Variants in LRRFIP1 observed in about 807,000 individuals in gnomAD.
LRRFIP1 encodes leucine-rich repeat flightless-interacting protein 1.
A neutral mutation model predicts 104.4 loss-of-function variants in LRRFIP1; 62 were observed. The ratio of observed to expected loss-of-function variants is 0.59; its 90% CI spans 0.48 to 0.73. The LOEUF (loss-of-function observed/expected upper bound fraction) is 0.73, where lower values mean the gene tolerates loss of function less well. Among genes scored for constraint, LRRFIP1 ranks in the 30% least tolerant of loss-of-function variants. The pLI, the probability that LRRFIP1 is intolerant of heterozygous loss-of-function variation, is 0.00. For missense variants in LRRFIP1, 796 were observed against 824.5 expected (o/e 0.97, Z 0.42); for synonymous variants, 300 against 299.0 (o/e 1.00, Z -0.03).
intron 7 of LRRFIP1, among the ~76,000 whole-genome samples, chr2:237,725,720 A>T (rs151084893): frequency 6.6e-6 from 1 of 152,364 alleles, no homozygotes; most frequent in East Asian, 1.9e-4. Context: ...CTGCAAAGTA[A>T]CAGTTTTTCC....
chr2:237,747,453 A>G (rs1299824613), intron 11 of LRRFIP1, among the ~76,000 whole-genome samples: 2 of 152,200 alleles, frequency 1.3e-5, no homozygotes, highest in East Asian at 1.9e-4. Flanking sequence ...CACCCTGACC[A>G]TAGCACCTGC....
At chr2:237,762,964 G>T (rs759350128) in intron 19 of LRRFIP1, 1 of 1,614,218 alleles carries the variant, frequency 6.2e-7, no homozygotes, top group Non-Finnish European at 8.5e-7. Context: ...TAGATGGTGG[G>T]AACCACACAG....
At chr2:237,756,049 G>C in intron 15 of LRRFIP1, 46 bp from the exon 16 acceptor site, 1 of 1,368,494 alleles carries the variant, frequency 7.3e-7, no homozygotes, top group African/African-American at 1.4e-5. Context: ...TGGCATGCCA[G>C]AAACATGGGA....
intron 1 of LRRFIP1, among the ~76,000 whole-genome samples, chr2:237,628,435 CTT>C (rs35206141): frequency 0.45 from 67,799 of 149,844 alleles, 15,385 homozygotes; most frequent in South Asian, 0.47. Flanking sequence ...GTACAAATGC[CTT>C]TTTTTTTTTC....
chr2:237,763,199 A>G (rs763941773), intron 19 of LRRFIP1: 29 of 1,614,178 alleles, frequency 1.8e-5, no homozygotes, highest in Non-Finnish European at 2.3e-5. Flanking sequence ...AGAAGTAGGT[A>G]GGGATCACAA....
chr2:237,779,224 A>G (rs1452766885), intron 23 of LRRFIP1, 198 bp from the exon 24 acceptor site: 1 of 508,032 alleles, frequency 2.0e-6, no homozygotes, highest in Non-Finnish European at 2.5e-6. Flanking sequence ...AAGAAAAAAA[A>G]AAGAAAACCA....
intron 7 of LRRFIP1, among the ~76,000 whole-genome samples, chr2:237,727,521 T>C (rs1236602587): frequency 1.3e-5 from 2 of 152,160 alleles, no homozygotes; most frequent in Admixed American, 6.5e-5. Context: ...GCAAGCAGAA[T>C]GTCCACAGAG....
rs913341988 is a variant in LRRFIP1, at chr2:237,705,606, A to G, written c.97-2938A>G. ...TTGAACCTGGGAGGCAGAGGTTACA[A>G]TGAGCTGTGATCACGCCACTGCACT... On this transcript the variant is annotated intron_variant, in intron 1 of 23. Coordinates refer to ENST00000308482, the MANE Select transcript of LRRFIP1 (RefSeq NM_001137550.2). Among the ~76,000 whole-genome samples, 7 of 151,944 alleles carry G rather than the reference A, an allele frequency of 4.6e-5. No individual in the cohort carries two copies. The South Asian group carries it at 8.3e-4, about 18-fold the overall frequency.
intron 13 of LRRFIP1, among the ~76,000 whole-genome samples, chr2:237,749,928 GTAAC>G (rs542755277): frequency 2.0e-5 from 3 of 152,214 alleles, no homozygotes; most frequent in South Asian, 2.1e-4. Flanking sequence ...ATTTGTTAAA[GTAAC>G]TAGGGACAGT....
At chr2:237,640,312 T>C (rs1479143766) in intron 1 of LRRFIP1, among the ~76,000 whole-genome samples, 1 of 151,892 alleles carries the variant, frequency 6.6e-6, no homozygotes. Context: ...CTGGGGACCG[T>C]CTATAACAAG....
intron 1 of LRRFIP1, among the ~76,000 whole-genome samples, chr2:237,678,952 CT>C (rs972937062): frequency 4.6e-5 from 7 of 152,186 alleles, no homozygotes; most frequent in African/African-American, 1.7e-4. Context: ...ACCATTATCC[CT>C]CCCATTTTAC....
intron 1 of LRRFIP1, among the ~76,000 whole-genome samples, chr2:237,700,242 C>T (rs1236949990): frequency 1.2e-4 from 18 of 152,140 alleles, no homozygotes; most frequent in Admixed American, 1.2e-3. Context: ...GAAAGGGATC[C>T]CGTGTCACAG....
chr2:237,630,676 C>T (rs1321927561), intron 1 of LRRFIP1, among the ~76,000 whole-genome samples: 1 of 152,222 alleles, frequency 6.6e-6, no homozygotes, highest in Non-Finnish European at 1.5e-5. Context: ...ACTGGACTGA[C>T]ATTGACAAGG....
At chr2:237,736,261 C>T (rs956094681) in intron 10 of LRRFIP1, among the ~76,000 whole-genome samples, 9 of 152,060 alleles carry the variant, frequency 5.9e-5, no homozygotes, top group South Asian at 2.1e-4. Context: ...TCGTTTTTGT[C>T]GACAACTGAT....
chr2:237,767,424 C>A (rs1455085519), intron 19 of LRRFIP1, among the ~76,000 whole-genome samples: 1 of 152,144 alleles, frequency 6.6e-6, no homozygotes, highest in Non-Finnish European at 1.5e-5. Flanking sequence ...ATTTTTCAGT[C>A]CCAAACCAGA....
rs1201192490 is a variant in LRRFIP1, at chr2:237,691,830, G to C, written c.97-16714G>C. ...TTTTCCTCCAGGTCCTCTTTCCGGCGGGGGCCGGAGGGGTGGTGATGGACA... is the reference window on the plus strand; with the variant it reads ...TTTTCCTCCAGGTCCTCTTTCCGGCCGGGGCCGGAGGGGTGGTGATGGACA... On this transcript the variant is annotated intron_variant, in intron 1 of 23. Coordinates refer to ENST00000308482, the MANE Select transcript of LRRFIP1 (RefSeq NM_001137550.2). The surrounding 1 kb of genome is among the most constrained non-coding windows in gnomAD (Gnocchi z 5.4). Among the ~76,000 whole-genome samples, 3 of 152,150 alleles carry C rather than the reference G, an allele frequency of 2.0e-5. No individual in the cohort carries two copies. Among genetic ancestry groups the C allele is most frequent in the Admixed American group, 2.0e-4 (3 of 15,288 alleles).
chr2:237,764,089 C>G lies in LRRFIP1; in HGVS notation c.1459+3884C>G, dbSNP rs751062923. The G allele has an allele frequency of 1.9e-6, 3 of 1,614,128 alleles. No individual in the cohort carries two copies. In the Middle Eastern group the frequency reaches 4.9e-4, roughly 266 times the overall value. On this transcript the variant is annotated intron_variant, in intron 19 of 23. Coordinates refer to ENST00000308482, the MANE Select transcript of LRRFIP1 (RefSeq NM_001137550.2). The stretch of plus-strand genomic sequence containing the variant: ...TCAATCCAGAAAGCAGAGAAGATAC[C>G]AGAGGAGGGAATGAGAAGGGCAAAA...
At chr2:237,646,554 C>G (rs890804931) in intron 1 of LRRFIP1, among the ~76,000 whole-genome samples, 1 of 151,914 alleles carries the variant, frequency 6.6e-6, no homozygotes. Flanking sequence ...AGCCCGCATT[C>G]GTATTTTGAA....
Position 237,735,414 on chromosome 2 carries a change from TG to T in LRRFIP1, c.555+87del. On this transcript the variant is annotated intron_variant, in intron 10 of 23. Transcript: ENST00000308482. The surrounding 1 kb of genome is among the most constrained non-coding windows in gnomAD (Gnocchi z 4.6). ...ATGCTCGCTGGGCAGGGTCCAGCCG[TG>T]GGGGGTGACTGGCCATTCTCAGGAG... The T allele has an allele frequency of 3.7e-6, 5 of 1,354,310 alleles. No individual in the cohort carries two copies. The highest frequency in any genetic ancestry group is 3.0e-6 in the Non-Finnish European group (3 of 995,276). 83.9% of individuals were successfully genotyped at this position (1,354,310 alleles called of 1,614,324 possible). A position where few individuals can be genotyped will look rare whatever the true frequency, so the allele number is the denominator to read the frequency against.
Sources: allele counts gnomAD v4.1 joint callset (sites outside exome capture counted in the v4.1 genomes callset), GRCh38; gene constraint gnomAD v4.1.1; non-coding constraint Gnocchi (gnomAD v3.1); transcripts MANE v1.5; gene names NCBI Gene and HGNC (gene_info 2026-07-23, HGNC 2026-07-21).